Variants in PDGFC observed in about 807,000 individuals in gnomAD.
PDGFC encodes the protein platelet derived growth factor C.
In PDGFC, 12 loss-of-function variants were observed where a neutral mutation model predicts 35.5. The ratio of observed to expected loss-of-function variants is 0.34; its 90% CI spans 0.22 to 0.55. PDGFC has a LOEUF of 0.55. Among genes scored for constraint, PDGFC ranks in the 20% least tolerant of loss-of-function variants. The pLI, the probability that PDGFC is intolerant of heterozygous loss-of-function variation, is 0.91. For synonymous variants in PDGFC, 159 were observed against 148.8 expected, an observed-to-expected ratio of 1.07 and a Z score of -0.50; for missense variants, 322 against 412.4, an observed-to-expected ratio of 0.78 and a Z score of 1.90.
intron 1 of PDGFC, among the ~76,000 whole-genome samples, chr4:156,885,660 G>A (rs1730359605): frequency 6.6e-6 from 1 of 152,086 alleles, no homozygotes; most frequent in Non-Finnish European, 1.5e-5. Flanking sequence ...GGGAGGCTGA[G>A]GTGAGAGTAC....
intron 1 of PDGFC, among the ~76,000 whole-genome samples, chr4:156,921,962 C>T (rs1321371440): frequency 1.3e-5 from 2 of 152,112 alleles, no homozygotes; most frequent in African/African-American, 2.4e-5. Context: ...ATGCAATAAA[C>T]TGCTTAATTG....
chr4:156,925,379 AGTG>A (rs1731383167), intron 1 of PDGFC, among the ~76,000 whole-genome samples: 1 of 152,036 alleles, frequency 6.6e-6, no homozygotes, highest in Admixed American at 6.6e-5. Flanking sequence ...GTGGTGTAGT[AGTG>A]GTGGTGGTAG....
intron 1 of PDGFC, among the ~76,000 whole-genome samples, chr4:156,893,815 T>C (rs1057352945): frequency 1.3e-5 from 2 of 152,174 alleles, no homozygotes; most frequent in South Asian, 2.1e-4. Flanking sequence ...AACTTTATCT[T>C]AGAAAATACG....
intron 4 of PDGFC, 139 bp downstream of exon 4, chr4:156,772,547 T>C (rs1730718812): frequency 1.7e-6 from 1 of 583,716 alleles, no homozygotes. Context: ...TATATAAATA[T>C]GCTCAAATGA....
intron 3 of PDGFC, among the ~76,000 whole-genome samples, chr4:156,802,610 A>G (rs1298794310): frequency 1.3e-5 from 2 of 152,002 alleles, no homozygotes; most frequent in Non-Finnish European, 2.9e-5. Context: ...CACAAAACAT[A>G]TATATTAGAT....
rs145678168 is a variant in PDGFC, at chr4:156,898,400, T to C, written c.119-47984A>G. On this transcript the variant is annotated intron_variant, in intron 1 of 5. Transcript: ENST00000502773. ...ACACACTATTGGAAGTGATAACTAA[T>C]AACTACTGAAGTGATAGGTATTGAC... Among the ~76,000 whole-genome samples the C allele has an allele frequency of 3.1e-3, 478 of 152,296 alleles. 3 individuals are homozygous for C. Among genetic ancestry groups the C allele is most frequent in the African/African-American group, 0.011 (466 of 41,574 alleles).
At chr4:156,844,533 T>C (rs1256562053) in intron 2 of PDGFC, among the ~76,000 whole-genome samples, 5 of 152,092 alleles carry the variant, frequency 3.3e-5, no homozygotes, top group African/African-American at 7.2e-5. Context: ...ATGCTACTCA[T>C]GTTCCTTTCT....
Position 156,903,819 on chromosome 4 carries a change from T to C in PDGFC, c.119-53403A>G, listed in dbSNP as rs573805735. Among the ~76,000 whole-genome samples, 14 of 152,212 alleles carry C rather than the reference T, an allele frequency of 9.2e-5. No individual in the cohort carries two copies. In the South Asian group the frequency reaches 2.7e-3, roughly 29 times the overall value. ...TAATTTCAAGCTTAATTTTAAAATATAGCAAAGTGTAGGAAGACAAACCAT... is the reference window on the plus strand; with the variant it reads ...TAATTTCAAGCTTAATTTTAAAATACAGCAAAGTGTAGGAAGACAAACCAT... On this transcript the variant is annotated intron_variant, in intron 1 of 5. Transcript: ENST00000502773.
intron 3 of PDGFC, among the ~76,000 whole-genome samples, chr4:156,796,679 GTACTTCCTTTTAGGCA>G (rs1470182098): frequency 1.3e-5 from 2 of 152,022 alleles, no homozygotes; most frequent in East Asian, 3.9e-4. Context: ...TTCTCTGAGT[GTACTTCCTTTTAGGCA>G]AAATGGTGAT....
intron 1 of PDGFC, among the ~76,000 whole-genome samples, chr4:156,938,904 G>A (rs1456754510): frequency 6.6e-6 from 1 of 151,526 alleles, no homozygotes; most frequent in Non-Finnish European, 1.5e-5. Context: ...AATAATCTAA[G>A]TATTAAAATA....
chr4:156,853,812 A>G (rs1462443826), intron 1 of PDGFC, among the ~76,000 whole-genome samples: 3 of 151,984 alleles, frequency 2.0e-5, no homozygotes, highest in Non-Finnish European at 4.4e-5. Context: ...AAATAACAAA[A>G]ATTAGCTGGA....
intron 1 of PDGFC, among the ~76,000 whole-genome samples, chr4:156,871,182 T>A (rs1356305299): frequency 6.6e-6 from 1 of 152,112 alleles, no homozygotes; most frequent in African/African-American, 2.4e-5. Flanking sequence ...GGGGTTTTAA[T>A]CAGCTTATAA....
At chr4:156,931,322 C>T (rs776805259) in intron 1 of PDGFC, among the ~76,000 whole-genome samples, 1 of 152,084 alleles carries the variant, frequency 6.6e-6, no homozygotes, top group South Asian at 2.1e-4. Context: ...GTTAAGAGTG[C>T]CTCCAAGCTA....
intron 1 of PDGFC, among the ~76,000 whole-genome samples, chr4:156,898,084 A>G (rs1228914446): frequency 6.6e-6 from 1 of 152,184 alleles, no homozygotes; most frequent in Non-Finnish European, 1.5e-5. Flanking sequence ...TTTGGAGGTG[A>G]GGCCTTTGGG....
chr4:156,953,580 T>C (rs189837091), intron 1 of PDGFC, among the ~76,000 whole-genome samples: 61 of 152,108 alleles, frequency 4.0e-4, no homozygotes, highest in Non-Finnish European at 8.0e-4. Context: ...CTCTCAATAG[T>C]GGTTCTGAAA....
chr4:156,838,764 C>A (rs1487173554), intron 2 of PDGFC, among the ~76,000 whole-genome samples: 1 of 152,158 alleles, frequency 6.6e-6, no homozygotes, highest in Non-Finnish European at 1.5e-5. Context: ...CAAATATCAT[C>A]CTGAATTTTA....
chr4:156,802,986 G>A (rs991048779), intron 3 of PDGFC, among the ~76,000 whole-genome samples: 1 of 152,132 alleles, frequency 6.6e-6, no homozygotes, highest in Non-Finnish European at 1.5e-5. Flanking sequence ...AGTAAATTGA[G>A]ACACAGGAAG....
At chr4:156,771,244 A>G (rs1274692318) in intron 4 of PDGFC, among the ~76,000 whole-genome samples, 1 of 152,170 alleles carries the variant, frequency 6.6e-6, no homozygotes, top group Non-Finnish European at 1.5e-5. Flanking sequence ...CTTGGCTAGA[A>G]GGGAGGTTTT....
chr4:156,968,054 G>C (rs1410512478), intron 1 of PDGFC, among the ~76,000 whole-genome samples: 1 of 152,174 alleles, frequency 6.6e-6, no homozygotes, highest in Non-Finnish European at 1.5e-5. Context: ...ACCCTTCAAA[G>C]CTAATTCTGA....
Sources: allele counts gnomAD v4.1 joint callset (sites outside exome capture counted in the v4.1 genomes callset), GRCh38; gene constraint gnomAD v4.1.1; transcripts MANE v1.5; gene names NCBI Gene and HGNC (gene_info 2026-07-23, HGNC 2026-07-21).